EXOC4: variants seen among roughly 807,000 people sequenced by gnomAD.
EXOC4 encodes the protein exocyst complex component 4.
A neutral mutation model predicts 107.2 loss-of-function variants in EXOC4; 71 were observed. That is an observed-to-expected ratio of 0.66 (90% confidence interval 0.55 to 0.81). The LOEUF (loss-of-function observed/expected upper bound fraction) is 0.81, where lower values mean the gene tolerates loss of function less well. Ranked by LOEUF, EXOC4 falls within the 30% of genes least tolerant of loss-of-function variation. The pLI, the probability that EXOC4 is intolerant of heterozygous loss-of-function variation, is 0.00. For synonymous variants in EXOC4, 456 were observed against 441.2 expected (o/e 1.03, Z -0.42); for missense variants, 1,108 against 1,189.6 (o/e 0.93, Z 1.01).
chr7:133,777,747 C>T (rs1336817421), intron 10 of EXOC4, among the ~76,000 whole-genome samples: 1 of 152,198 alleles, frequency 6.6e-6, no homozygotes, highest in African/African-American at 2.4e-5. Flanking sequence ...TTGGTTTCCT[C>T]ATGTGATATA....
At chr7:133,414,959 C>G (rs1315480910) in intron 7 of EXOC4, among the ~76,000 whole-genome samples, 1 of 152,104 alleles carries the variant, frequency 6.6e-6, no homozygotes, top group Admixed American at 6.6e-5. Context: ...ATTCTCCAGC[C>G]CTAGGCAACC....
At chr7:133,868,875 TG>T (rs1050028143) in intron 11 of EXOC4, among the ~76,000 whole-genome samples, 10 of 152,158 alleles carry the variant, frequency 6.6e-5, no homozygotes, top group African/African-American at 2.2e-4. Context: ...AGAATAAATG[TG>T]TATTTTGTAT....
chr7:134,093,439 C>T, the EXOC4 span, among the ~76,000 whole-genome samples: 1 of 152,142 alleles, frequency 6.6e-6, no homozygotes, highest in Non-Finnish European at 1.5e-5. Context: ...ACTTATAGAT[C>T]TACAAAAAGA....
intron 10 of EXOC4, among the ~76,000 whole-genome samples, chr7:133,786,981 T>C (rs902000668): frequency 6.6e-5 from 10 of 152,218 alleles, no homozygotes; most frequent in African/African-American, 2.4e-4. Flanking sequence ...CAATATAAGA[T>C]ATAAACAGAG....
intron 7 of EXOC4, among the ~76,000 whole-genome samples, chr7:133,472,060 G>C (rs1212537542): frequency 6.6e-6 from 1 of 152,182 alleles, no homozygotes; most frequent in Non-Finnish European, 1.5e-5. Context: ...AAATGAGAAT[G>C]CCCACATATA....
At chr7:133,619,135 T>C (rs1457240194) in intron 9 of EXOC4, among the ~76,000 whole-genome samples, 1 of 152,182 alleles carries the variant, frequency 6.6e-6, no homozygotes, top group Non-Finnish European at 1.5e-5. Flanking sequence ...TAATGAGTCA[T>C]GAAATAATGC....
intron 10 of EXOC4, among the ~76,000 whole-genome samples, chr7:133,676,721 T>C (rs1256291466): frequency 6.6e-6 from 1 of 152,202 alleles, no homozygotes; most frequent in African/African-American, 2.4e-5. Context: ...AATAAATTAA[T>C]TAATAGGATA....
rs372486796 is a variant in EXOC4 at position 133,740,586 on chromosome 7, C to T, written c.1515-76739C>T. Among the ~76,000 whole-genome samples the T allele has an allele frequency of 1.8e-4, 28 of 152,264 alleles. No homozygotes were observed. In the East Asian group the frequency reaches 2.1e-3, roughly 12 times the overall value. On this transcript the variant is annotated intron_variant, in intron 10 of 17. Coordinates refer to ENST00000253861, the MANE Select transcript of EXOC4 (RefSeq NM_021807.4). The stretch of plus-strand genomic sequence containing the variant: ...AGATGTAATCTAACCTTCTTTCCCA[C>T]GATGACAATATAAAATGCTTCAGAA...
At chr7:133,934,454 A>G (rs1178653408) in intron 13 of EXOC4, among the ~76,000 whole-genome samples, 2 of 152,100 alleles carry the variant, frequency 1.3e-5, no homozygotes, top group Non-Finnish European at 2.9e-5. Context: ...TTCTCAGTCT[A>G]TTGCTCTCCT....
chr7:133,348,779 A>G (rs1049358390), intron 5 of EXOC4, among the ~76,000 whole-genome samples: 2 of 152,182 alleles, frequency 1.3e-5, no homozygotes, highest in Admixed American at 6.5e-5. Context: ...GTAAAACAAA[A>G]CCAGTAACTG....
chr7:133,959,868 A>G (rs1351132792), intron 14 of EXOC4, among the ~76,000 whole-genome samples: 1 of 152,210 alleles, frequency 6.6e-6, no homozygotes, highest in Non-Finnish European at 1.5e-5. Flanking sequence ...TAACCACACT[A>G]CCAGTTCCAT....
At chr7:133,453,876 C>T (rs555291597) in intron 7 of EXOC4, among the ~76,000 whole-genome samples, 18 of 152,124 alleles carry the variant, frequency 1.2e-4, no homozygotes, top group Non-Finnish European at 2.4e-4. Context: ...AGATGATTTT[C>T]TTTGTATATA....
At chr7:133,361,120 C>T (rs1198560707) in intron 6 of EXOC4, among the ~76,000 whole-genome samples, 3 of 152,074 alleles carry the variant, frequency 2.0e-5, no homozygotes, top group African/African-American at 4.8e-5. Context: ...ATGGACCAGA[C>T]ATTGGGTAAA....
intron 12 of EXOC4, among the ~76,000 whole-genome samples, chr7:133,909,178 A>G (rs1383488673): frequency 1.3e-5 from 2 of 152,278 alleles, no homozygotes; most frequent in Admixed American, 6.5e-5. Context: ...TCTGTTACTC[A>G]TTCAAAAATC....
chr7:133,317,202 A>C, intron 4 of EXOC4, 82 bp from the exon 5 acceptor site: 1 of 899,442 alleles, frequency 1.1e-6, no homozygotes, highest in South Asian at 1.5e-5. Context: ...ACAAAAACAA[A>C]AGTGGTAAGG....
intron 9 of EXOC4, among the ~76,000 whole-genome samples, chr7:133,543,216 G>A (rs1252306627): frequency 6.6e-6 from 1 of 151,944 alleles, no homozygotes; most frequent in Admixed American, 6.6e-5. Context: ...TGTATAAGTT[G>A]AGTGTCCTGA....
rs774044142 is a variant in EXOC4, at chr7:134,002,769, T to C, written c.2349-2143T>C. On this transcript the variant is annotated intron_variant, in intron 15 of 17. Coordinates refer to ENST00000253861, the MANE Select transcript of EXOC4 (RefSeq NM_021807.4). ...GCAAATTAAAACCACAGTGAGATAC[T>C]GCTCTACATCTATTAGGATGACCAA... 2.0e-4 allele frequency among the ~76,000 whole-genome samples: 30 copies of C among 152,150 alleles called. 1 individual carries two copies. The highest frequency in any genetic ancestry group is 6.6e-4 in the Admixed American group (10 of 15,266).
intron 12 of EXOC4, among the ~76,000 whole-genome samples, chr7:133,916,686 C>T (rs1799815275): frequency 6.6e-6 from 1 of 152,086 alleles, no homozygotes; most frequent in Non-Finnish European, 1.5e-5. Flanking sequence ...CAGAGTGACC[C>T]CTGTACTAAA....
intron 9 of EXOC4, among the ~76,000 whole-genome samples, chr7:133,520,976 A>G (rs1799967741): frequency 6.6e-6 from 1 of 152,172 alleles, no homozygotes; most frequent in Non-Finnish European, 1.5e-5. Context: ...GTGATGATGT[A>G]TAAAATAAAG....
Sources: allele counts gnomAD v4.1 joint callset (sites outside exome capture counted in the v4.1 genomes callset), GRCh38; gene constraint gnomAD v4.1.1; transcripts MANE v1.5; gene names NCBI Gene and HGNC (gene_info 2026-07-23, HGNC 2026-07-21).